The following C10orf90 variants were observed in gnomAD, a reference collection of about 807,000 sequenced individuals.
The protein encoded by C10orf90 is (E2-independent) E3 ubiquitin-conjugating enzyme FATS.
A neutral mutation model predicts 62.5 loss-of-function variants in C10orf90; 56 were observed. The observed-to-expected ratio is 0.90, with a 90% CI of 0.72 to 1.12. The LOEUF (loss-of-function observed/expected upper bound fraction) is 1.12, where lower values mean the gene tolerates loss of function less well. Among genes scored for constraint, C10orf90 ranks in the 50% most tolerant of loss-of-function variants. C10orf90 has a pLI of 0.00. For synonymous variants in C10orf90, 386 were observed against 340.4 expected (o/e 1.13, Z -1.47); for missense variants, 970 against 880.4 (o/e 1.10, Z -1.29).
intron 2 of C10orf90, among the ~76,000 whole-genome samples, chr10:126,545,131 C>T (rs1864461722): frequency 6.6e-6 from 1 of 152,186 alleles, no homozygotes; most frequent in Non-Finnish European, 1.5e-5. Context: ...CCATGCCCTC[C>T]TAACACCCTT....
chr10:126,629,215 A>C (rs1026860363), intron 2 of C10orf90, among the ~76,000 whole-genome samples: 4 of 152,230 alleles, frequency 2.6e-5, no homozygotes, highest in African/African-American at 9.6e-5. Context: ...CTCTTCCTGC[A>C]TTAATTGTGA....
At position 126,635,878 on chromosome 10, in the gene C10orf90, G is replaced by A. The variant is rs149264157; in HGVS notation, c.313+10687C>T. ...AGGGAAACCTAGCCCTCTGTGATCT[G>A]TACTCACTCCAAATGGTCAAGGTAG... On this transcript the variant is annotated intron_variant, in intron 2 of 9. Coordinates refer to ENST00000488181, the MANE Select transcript of C10orf90 (RefSeq NM_001350921.2). 8.4e-3 allele frequency among the ~76,000 whole-genome samples: 1,247 copies of A among 148,070 alleles called. 7 individuals are homozygous for A. Among genetic ancestry groups the A allele is most frequent in the Non-Finnish European group, 0.014 (950 of 67,380 alleles).
chr10:126,472,991 A>T (rs188953094), intron 4 of C10orf90, among the ~76,000 whole-genome samples: 1 of 152,236 alleles, frequency 6.6e-6, no homozygotes, highest in East Asian at 1.9e-4. Flanking sequence ...CCTCAAATAA[A>T]TTTTTTGACT....
chr10:126,519,744 T>C (rs760200120), intron 2 of C10orf90, among the ~76,000 whole-genome samples: 1 of 152,246 alleles, frequency 6.6e-6, no homozygotes, highest in Non-Finnish European at 1.5e-5. Flanking sequence ...GAAGTCTTCC[T>C]GTCTTCAACT....
chr10:126,501,221 C>G (rs1862361325), intron 4 of C10orf90, among the ~76,000 whole-genome samples: 1 of 152,220 alleles, frequency 6.6e-6, no homozygotes, highest in African/African-American at 2.4e-5. Flanking sequence ...AGCTCACCCT[C>G]CACACGTTGT....
intron 7 of C10orf90, among the ~76,000 whole-genome samples, chr10:126,450,915 T>C (rs1464622538): frequency 6.6e-6 from 1 of 152,074 alleles, no homozygotes; most frequent in Admixed American, 6.6e-5. Context: ...ACCTGTAGAA[T>C]GGGAGAAAAT....
chr10:126,535,453 C>T (rs1864210126), intron 2 of C10orf90, among the ~76,000 whole-genome samples: 1 of 150,630 alleles, frequency 6.6e-6, no homozygotes, highest in African/African-American at 2.4e-5. Flanking sequence ...GGAGGTGGAG[C>T]TTGCAGTGAG....
intron 1 of C10orf90, among the ~76,000 whole-genome samples, chr10:126,648,033 A>G (rs1846205995): frequency 6.6e-6 from 1 of 152,186 alleles, no homozygotes; most frequent in African/African-American, 2.4e-5. Context: ...CCAGTGCAAC[A>G]GTGTTGAGGG....
chr10:126,537,164 G>A (rs973230305), intron 2 of C10orf90, among the ~76,000 whole-genome samples: 8 of 152,056 alleles, frequency 5.3e-5, no homozygotes, highest in African/African-American at 1.9e-4. Context: ...GCCCTTACAC[G>A]ATTCAATAAG....
rs372950891 is a variant in C10orf90, at chr10:126,601,299, A to G, written c.313+45266T>C. Among the ~76,000 whole-genome samples the G allele has an allele frequency of 5.3e-5, 8 of 152,290 alleles. No individual in the cohort carries two copies. In the South Asian group the frequency reaches 1.2e-3, roughly 24 times the overall value. On this transcript the variant is annotated intron_variant, in intron 2 of 9. Transcript: ENST00000488181. ...ACAACATGAGGACTCTAGGTAATCA[A>G]ATGTATTTGAAATTGTTCCTAAATA...
At chr10:126,660,756 G>T (rs1310078938) in intron 1 of C10orf90, among the ~76,000 whole-genome samples, 2 of 152,226 alleles carry the variant, frequency 1.3e-5, no homozygotes, top group African/African-American at 4.8e-5. Context: ...AATACAGATT[G>T]TGTCTGCCAG....
chr10:126,552,455 T>C, intron 2 of C10orf90, among the ~76,000 whole-genome samples: 1 of 152,178 alleles, frequency 6.6e-6, no homozygotes, highest in Non-Finnish European at 1.5e-5. Flanking sequence ...GAAACACAGC[T>C]GCAATGCAAA....
intron 4 of C10orf90, among the ~76,000 whole-genome samples, chr10:126,476,901 C>G (rs1036971435): frequency 4.9e-5 from 7 of 141,934 alleles, no homozygotes; most frequent in Non-Finnish European, 7.6e-5. Flanking sequence ...AATGTATCAC[C>G]ATTTTCCTTT....
chr10:126,485,847 T>G (rs1456336724), intron 4 of C10orf90, among the ~76,000 whole-genome samples: 1 of 151,168 alleles, frequency 6.6e-6, no homozygotes, highest in Non-Finnish European at 1.5e-5. Context: ...CTCAGGAGGC[T>G]GAGGCAGGAG....
At chr10:126,433,435 G>A (rs1198822243) in intron 7 of C10orf90, among the ~76,000 whole-genome samples, 2 of 152,112 alleles carry the variant, frequency 1.3e-5, no homozygotes, top group Non-Finnish European at 2.9e-5. Flanking sequence ...ATGAAGTAGA[G>A]AGAGACATAC....
chr10:126,508,154 T>TGAGA (rs1249290254), intron 3 of C10orf90, among the ~76,000 whole-genome samples: 5 of 56,266 alleles, frequency 8.9e-5, no homozygotes, highest in South Asian at 5.6e-4. Context: ...AGTGAATGAG[T>TGAGA]GAGTGAGAGA....
intron 1 of C10orf90, among the ~76,000 whole-genome samples, chr10:126,664,458 A>C (rs1846584547): frequency 6.6e-6 from 1 of 152,080 alleles, no homozygotes; most frequent in South Asian, 2.1e-4. Flanking sequence ...AGATATTATC[A>C]TTTTTCCTAT....
intron 4 of C10orf90, among the ~76,000 whole-genome samples, chr10:126,494,865 C>G (rs61863942): frequency 0.021 from 3,180 of 152,318 alleles, 33 homozygotes; most frequent in Middle Eastern, 0.051. Flanking sequence ...AGGTTGTGTT[C>G]CCTGCAAAGA....
chr10:126,483,937 A>T lies in C10orf90; in HGVS notation c.1535-18951T>A, dbSNP rs1157667711. Among the ~76,000 whole-genome samples, 3 of 152,258 alleles carry T rather than the reference A, an allele frequency of 2.0e-5. No homozygotes were observed. In the East Asian group the frequency reaches 5.8e-4, roughly 29 times the overall value. On this transcript the variant is annotated intron_variant, in intron 4 of 9. Transcript: ENST00000488181. ...CTTCCACCCTGGGATGCACTTACCC[A>T]TCCCACTCATTGAAAATCAACCCCC...
Sources: gnomAD v4.1 joint callset for allele counts (sites outside exome capture counted in the v4.1 genomes callset) on GRCh38, gnomAD v4.1.1 for gene constraint, MANE v1.5 for transcripts, NCBI Gene and HGNC (gene_info 2026-07-23, HGNC 2026-07-21) for gene names.